FILIP1L: variants seen among roughly 807,000 people sequenced by gnomAD.
FILIP1L encodes filamin A interacting protein 1 like.
FILIP1L carries 55 observed loss-of-function variants against 96.6 expected under a neutral mutation model. That is an observed-to-expected ratio of 0.57 (90% CI 0.46 to 0.71). The LOEUF (loss-of-function observed/expected upper bound fraction) is 0.71. Ranked by LOEUF, FILIP1L falls within the 30% of genes least tolerant of loss-of-function variation. FILIP1L has a pLI of 0.00. For missense variants in FILIP1L, 1,304 were observed against 1,321.2 expected (o/e 0.99, Z 0.20); for synonymous variants, 467 against 473.9 (o/e 0.99, Z 0.19).
intron 4 of FILIP1L, among the ~76,000 whole-genome samples, chr3:99,902,218 AT>A (rs1047643685): frequency 6.6e-6 from 1 of 152,098 alleles, no homozygotes; most frequent in African/African-American, 2.4e-5. Context: ...ACCATGTGAC[AT>A]TTTTTTGAGT....
chr3:99,972,734 A>G (rs1419760489), intron 1 of FILIP1L, among the ~76,000 whole-genome samples: 1 of 152,168 alleles, frequency 6.6e-6, no homozygotes, highest in Admixed American at 6.5e-5. Context: ...CTACCCTAAG[A>G]TATGTTTTTT....
rs138037787 is a variant in FILIP1L, at chr3:99,853,232, C to A, written c.606-2162G>T. Among the ~76,000 whole-genome samples the A allele has an allele frequency of 1.6e-3, 238 of 152,310 alleles. 2 individuals carry two copies. In the Middle Eastern group the frequency reaches 0.02, roughly 13 times the overall value. On this transcript the variant is annotated intron_variant, in intron 4 of 5. Transcript: ENST00000477258. ...TTTGGCAAAGTGCTTCTTTCTCCTG[C>A]CTTAGCATTAGAATTCATTCGATGT... is the stretch of plus-strand genomic sequence containing the variant.
intron 1 of FILIP1L, among the ~76,000 whole-genome samples, chr3:100,012,194 T>C (rs1710176340): frequency 6.6e-6 from 1 of 152,178 alleles, no homozygotes; most frequent in Non-Finnish European, 1.5e-5. Context: ...TCTTTTATAT[T>C]CCAAAAGGAT....
chr3:99,937,737 A>G (rs1238693615), intron 1 of FILIP1L, among the ~76,000 whole-genome samples: 2 of 152,244 alleles, frequency 1.3e-5, no homozygotes, highest in East Asian at 1.9e-4. Flanking sequence ...GGCTCTGAAT[A>G]GGAGCTGCCT....
intron 4 of FILIP1L, among the ~76,000 whole-genome samples, chr3:99,867,553 T>C (rs1022567613): frequency 2.0e-5 from 3 of 152,138 alleles, no homozygotes; most frequent in Non-Finnish European, 2.9e-5. Context: ...GGACAGGAAA[T>C]GTTGGACCAA....
chr3:100,083,057 A>G (rs1002232093), intron 1 of FILIP1L, among the ~76,000 whole-genome samples: 3 of 152,188 alleles, frequency 2.0e-5, no homozygotes, highest in African/African-American at 4.8e-5. Flanking sequence ...TGAAATTACA[A>G]TTATTTTCCA....
intron 1 of FILIP1L, among the ~76,000 whole-genome samples, chr3:100,104,817 C>T (rs963633277): frequency 7.9e-5 from 12 of 152,146 alleles, no homozygotes; most frequent in African/African-American, 2.9e-4. Context: ...CCCTTACCCC[C>T]AAAACTGGCT....
chr3:99,832,388 G>A (rs1404187197), intron 5 of FILIP1L, among the ~76,000 whole-genome samples: 2 of 150,534 alleles, frequency 1.3e-5, no homozygotes, highest in Non-Finnish European at 3.0e-5. Context: ...CCGCCACCAC[G>A]CCCGGCTAAT....
chr3:100,104,941 C>G (rs571453695), intron 1 of FILIP1L, among the ~76,000 whole-genome samples: 1 of 152,278 alleles, frequency 6.6e-6, no homozygotes, highest in Non-Finnish European at 1.5e-5. Flanking sequence ...CAGCCAAAAC[C>G]TCACCTATGC....
chr3:100,036,255 C>T lies in FILIP1L; in HGVS notation c.-11+77798G>A, dbSNP rs151044589. On this transcript the variant is annotated intron_variant, in intron 1 of 5. Transcript: ENST00000477258. ...CACATAAAGCTTCTACATCTCATTT[C>T]CCACTAAGAGGAACAAAGCCTTCTT... is the stretch of plus-strand genomic sequence containing the variant. Among the ~76,000 whole-genome samples, 23 of 152,258 alleles carry T rather than the reference C, an allele frequency of 1.5e-4. No individual in the cohort carries two copies. The East Asian group carries it at 4.4e-3, about 29-fold the overall frequency.
intron 4 of FILIP1L, among the ~76,000 whole-genome samples, chr3:99,856,098 GCTGCTCTGCTCTGCTCTGCTCTGCT>G (rs71130096): frequency 2.4e-4 from 37 of 151,350 alleles, no homozygotes; most frequent in South Asian, 1.9e-3. Context: ...TGCTGCTCTT[GCTGCTCTGCTCTGCTCTGCTCTGCT>G]CTGCTCTGCT....
intron 5 of FILIP1L, among the ~76,000 whole-genome samples, chr3:99,847,236 CTG>C (rs112911149): frequency 1.6e-3 from 236 of 150,622 alleles, no homozygotes; most frequent in African/African-American, 5.3e-3. Context: ...AAAAAAAAAA[CTG>C]TAAGCTTTTG....
intron 4 of FILIP1L, among the ~76,000 whole-genome samples, chr3:99,886,826 C>T (rs6762078): frequency 0.022 from 3,297 of 151,982 alleles, 50 homozygotes; most frequent in Non-Finnish European, 0.036. Flanking sequence ...AAAAATTAGC[C>T]AGGCATGGTG....
At chr3:99,927,229 T>C (rs1434584943) in intron 3 of FILIP1L, among the ~76,000 whole-genome samples, 1 of 152,224 alleles carries the variant, frequency 6.6e-6, no homozygotes. Context: ...ACTAACTAAA[T>C]GAATAAAATT....
chr3:99,974,402 A>G (rs1486457396), intron 1 of FILIP1L, among the ~76,000 whole-genome samples: 2 of 152,176 alleles, frequency 1.3e-5, no homozygotes, highest in East Asian at 3.8e-4. Context: ...AAAACTTAGA[A>G]AGCAGGAATA....
chr3:99,941,056 T>A (rs1022218040), intron 1 of FILIP1L, among the ~76,000 whole-genome samples: 14 of 152,254 alleles, frequency 9.2e-5, no homozygotes, highest in African/African-American at 3.4e-4. Context: ...TTTAATAACT[T>A]CTTGCCTCTG....
rs1408023942 is a variant in FILIP1L at position 100,114,271 on chromosome 3, C to T, written c.-229G>A. ...GGAGAGGCAGTGGGGAGCCCAACAACAAGTAGGCCCAAACACTAAATATTG... is the reference window on the plus strand; with the variant it reads ...GGAGAGGCAGTGGGGAGCCCAACAATAAGTAGGCCCAAACACTAAATATTG... On this transcript the variant is annotated 5_prime_UTR_variant, in exon 1 of 6. Transcript: ENST00000477258. 2 of 151,816 alleles carry T rather than the reference C, an allele frequency of 1.3e-5. No homozygotes were observed. The highest frequency in any genetic ancestry group is 2.9e-5 in the Non-Finnish European group (2 of 68,020). 9.4% of individuals were successfully genotyped at this position (151,816 alleles called of 1,614,324 possible).
intron 1 of FILIP1L, among the ~76,000 whole-genome samples, chr3:100,081,473 C>T (rs2065930859): frequency 2.0e-5 from 3 of 152,160 alleles, no homozygotes; most frequent in Admixed American, 2.0e-4. Context: ...TTATACTTGA[C>T]AACCCTTATC....
intron 1 of FILIP1L, among the ~76,000 whole-genome samples, chr3:99,950,529 T>C (rs1708145150): frequency 6.6e-6 from 1 of 152,160 alleles, no homozygotes; most frequent in Admixed American, 6.5e-5. Flanking sequence ...CCTGGTGACT[T>C]TCCTTCCTTT....
Sources: allele counts gnomAD v4.1 joint callset (sites outside exome capture counted in the v4.1 genomes callset), GRCh38; gene constraint gnomAD v4.1.1; transcripts MANE v1.5; gene names NCBI Gene and HGNC (gene_info 2026-07-23, HGNC 2026-07-21).